Variants in ANKRD52 observed in about 807,000 individuals in gnomAD.
ANKRD52 encodes the protein ankyrin repeat domain 52, also known as serine/threonine-protein phosphatase 6 regulatory ankyrin repeat subunit C.
In ANKRD52, 7 loss-of-function variants were observed where a neutral mutation model predicts 116.0. The observed-to-expected ratio is 0.06, with a 90% confidence interval of 0.03 to 0.11. The LOEUF (loss-of-function observed/expected upper bound fraction) is 0.11. Among genes scored for constraint, ANKRD52 ranks in the 10% least tolerant of loss-of-function variants. The pLI is 1.00. For missense variants in ANKRD52, 839 were observed against 1,408.6 expected (o/e 0.60, Z 6.47); for synonymous variants, 528 against 578.1 (o/e 0.91, Z 1.24).
Position 56,248,962 on chromosome 12 carries a change from C to T in ANKRD52, c.1593-92G>A. On this transcript the variant is annotated intron_variant, in intron 15 of 27. Coordinates refer to ENST00000267116, the MANE Select transcript of ANKRD52 (RefSeq NM_173595.4). The surrounding 1 kb of genome is among the most constrained non-coding windows in gnomAD (Gnocchi z 5.1). ...GGCCAGAGGAGAGGACCAAGGCCCT[C>T]CAGGCCTACCTGGCCGCCACCCGTC... The T allele has an allele frequency of 2.3e-6, 2 of 871,726 alleles. No homozygotes were observed. Among genetic ancestry groups the T allele is most frequent in the Non-Finnish European group, 3.5e-6 (2 of 576,856 alleles). The allele number at this position is 871,726 out of a possible 1,614,324, so 54.0% of individuals were successfully genotyped here. A position where few individuals can be genotyped will look rare whatever the true frequency, so the allele number is the denominator to read the frequency against.
At chr12:56,257,625 G>A (rs1872021138) in intron 2 of ANKRD52, among the ~76,000 whole-genome samples, 1 of 152,064 alleles carries the variant, frequency 6.6e-6, no homozygotes, top group Admixed American at 6.5e-5. Context: ...CAACGTTCCT[G>A]GGCATTCCCA....
chr12:56,238,458 C>G lies in ANKRD52; in HGVS notation c.*4684G>C, dbSNP rs1871021589. The G allele has an allele frequency of 6.6e-6, 1 of 152,194 alleles. No homozygotes were observed. Among genetic ancestry groups the G allele is most frequent in the Non-Finnish European group, 1.5e-5 (1 of 68,074 alleles). 9.4% of individuals were successfully genotyped at this position (152,194 alleles called of 1,614,324 possible). On this transcript the variant is annotated 3_prime_UTR_variant, in exon 28 of 28. Transcript: ENST00000267116. ...AATATACATAGCTGTACATGGGGAA[C>G]CCCCAGGTCCCCACCCCAACCCTCT...
Position 56,237,984 on chromosome 12 carries a change from T to G in ANKRD52, c.*5158A>C. 43 of 286,198 alleles carry G rather than the reference T, an allele frequency of 1.5e-4. No homozygotes were observed. The highest frequency in any genetic ancestry group is 4.5e-4 in the East Asian group (7 of 15,710). 17.7% of individuals were successfully genotyped at this position (286,198 alleles called of 1,614,324 possible). On this transcript the variant is annotated 3_prime_UTR_variant, in exon 28 of 28. Transcript: ENST00000267116. ...GGTCATTAATCTGCGGGGAGAACAT[T>G]GTGCTTTAGCCCAGGGAGGGGAGGG...
chr12:56,247,108 G>T (rs1871445421), intron 20 of ANKRD52, among the ~76,000 whole-genome samples: 1 of 151,380 alleles, frequency 6.6e-6, no homozygotes, highest in Non-Finnish European at 1.5e-5. Flanking sequence ...ACTTCGGGAG[G>T]CCAAGGTGGG....
At chr12:56,245,696 T>C in intron 20 of ANKRD52, 100 bp from the exon 21 acceptor site, 13 of 718,168 alleles carry the variant, frequency 1.8e-5, no homozygotes, top group Non-Finnish European at 2.6e-5. Context: ...CTTCCAGGGC[T>C]CCAATCCTTG....
At position 56,253,433 on chromosome 12, in the gene ANKRD52, G is replaced by A; in HGVS notation, c.986-31C>T. On this transcript the variant is annotated intron_variant, in intron 9 of 27. Coordinates refer to ENST00000267116, the MANE Select transcript of ANKRD52 (RefSeq NM_173595.4). This position sits in a 1 kb window ranked among gnomAD's most constrained non-coding sequence, Gnocchi z 5.5. Reference sequence around the variant, plus strand: ...AGGGGATGCACACACACAAGCTCAGGCAGACCTCAGGCTTAAGACCACTTT... The same window carrying A: ...AGGGGATGCACACACACAAGCTCAGACAGACCTCAGGCTTAAGACCACTTT... The A allele has an allele frequency of 6.4e-7, 1 of 1,566,446 alleles. No individual in the cohort carries two copies. Among genetic ancestry groups the A allele is most frequent in the Non-Finnish European group, 8.8e-7 (1 of 1,138,366 alleles).
Position 56,257,308 on chromosome 12 carries a change from G to A in ANKRD52, c.165C>T (p.Pro55=). The change falls in exon 3 of 28, where the codon CCC becomes CCT. Residue 55 remains proline (P), a synonymous_variant. Transcript: ENST00000267116. ...LHAAAYVGDV[P]ILQLLLMSGA... ...CTGACATCAGTAGCAACTGGAGGAT[G>A]GGGACATCGCCTACGTAGGCAGCAG... is the stretch of plus-strand genomic sequence containing the variant. 1 of 1,597,796 alleles carries A rather than the reference G, an allele frequency of 6.3e-7. No homozygotes were observed.
intron 15 of ANKRD52, 48 bp downstream of exon 15, chr12:56,251,967 T>C (rs369771785): frequency 6.3e-7 from 1 of 1,586,362 alleles, no homozygotes; most frequent in Non-Finnish European, 8.6e-7. Context: ...GGCCAGAGCT[T>C]GCATGGGTTG....
rs1231255447 is a variant in ANKRD52 at position 56,257,397 on chromosome 12, G to T, written c.112-36C>A. 2.6e-6 allele frequency: 4 copies of T among 1,526,542 alleles called. No homozygotes were observed. The South Asian group carries it at 4.8e-5, about 18-fold the overall frequency. The allele number at this position is 1,526,542 out of a possible 1,614,324, so 94.6% of individuals were successfully genotyped here. On this transcript the variant is annotated intron_variant, in intron 2 of 27. Coordinates refer to ENST00000267116, the MANE Select transcript of ANKRD52 (RefSeq NM_173595.4). ...AAAAAAGAGCAGGGAGTATGGGCGC[G>T]GGGTAAGGGGGCTATCAAGGACCCC...
In ANKRD52 at chr12:56,242,050, C is replaced by T; in HGVS notation, c.*1092G>A. 2.5e-6 allele frequency: 1 copy of T among 398,614 alleles called. No individual in the cohort carries two copies. Among genetic ancestry groups the T allele is most frequent in the Non-Finnish European group, 4.4e-6 (1 of 226,078 alleles). The allele number at this position is 398,614 out of a possible 1,614,324, so 24.7% of individuals were successfully genotyped here. ...CTGCCCCTCCTACCATCTTTGGCTT[C>T]AGATCAGGAGTGACTGGGGCAGTGG... On this transcript the variant is annotated 3_prime_UTR_variant, in exon 28 of 28. Transcript: ENST00000267116. This position sits in a 1 kb window ranked among gnomAD's most constrained non-coding sequence, Gnocchi z 4.3.
chr12:56,247,592 G>T lies in ANKRD52; in HGVS notation c.2085C>A (p.Ala695=), dbSNP rs773127563. The change falls in exon 20 of 28, where the codon GCC becomes GCA. Residue 695 remains alanine, a synonymous_variant. Coordinates refer to ENST00000267116, the MANE Select transcript of ANKRD52 (RefSeq NM_173595.4). ...CACAGTCCACATGGCCATTCATGAT[G>T]GCCAGCATCAGTGGGGTCCTACAGA... ...DAYGQTPLML[A]IMNGHVDCVH... The T allele has an allele frequency of 6.3e-7, 1 of 1,593,032 alleles. No individual in the cohort carries two copies. The highest frequency in any genetic ancestry group is 8.6e-7 in the Non-Finnish European group (1 of 1,168,934).
In ANKRD52 at chr12:56,255,056, C is replaced by T. The variant is rs1339377505; in HGVS notation, c.463-104G>A. On this transcript the variant is annotated intron_variant, in intron 5 of 27. Transcript: ENST00000267116. The surrounding 1 kb of genome is among the most constrained non-coding windows in gnomAD (Gnocchi z 4.3). ...CTGAAAAGGCTGAGGCAGCCTAATG[C>T]CTTTTTCCATGAGCAAAACAACCTG... The T allele has an allele frequency of 1.4e-5, 17 of 1,220,110 alleles. No individual in the cohort carries two copies. Among genetic ancestry groups the T allele is most frequent in the Non-Finnish European group, 2.0e-5 (17 of 850,774 alleles). The allele number at this position is 1,220,110 out of a possible 1,614,324, so 75.6% of individuals were successfully genotyped here.
Position 56,248,359 on chromosome 12 carries a change from C to A in ANKRD52, c.1777-135G>T. ...AAGCTCCTTGGGCCCCTTAAGGCTT[C>A]CTACCCTGCACTGTGCTTATCCCCT... is the stretch of plus-strand genomic sequence containing the variant. On this transcript the variant is annotated intron_variant, in intron 17 of 27. Coordinates refer to ENST00000267116, the MANE Select transcript of ANKRD52 (RefSeq NM_173595.4). This position sits in a 1 kb window ranked among gnomAD's most constrained non-coding sequence, Gnocchi z 5.1. 1 of 1,406,106 alleles carries A rather than the reference C, an allele frequency of 7.1e-7. No individual in the cohort carries two copies. Among genetic ancestry groups the A allele is most frequent in the Non-Finnish European group, 9.8e-7 (1 of 1,015,538 alleles). The allele number at this position is 1,406,106 out of a possible 1,614,324, so 87.1% of individuals were successfully genotyped here.
At position 56,239,295 on chromosome 12, in the gene ANKRD52, C is replaced by T. The variant is rs951611933; in HGVS notation, c.*3847G>A. Reference sequence around the variant, plus strand: ...GGGCTTGGTCCTCAAAGATTCCTCACCTCCGCCCTTGCCCAACCTGGGTCA... The same window carrying T: ...GGGCTTGGTCCTCAAAGATTCCTCATCTCCGCCCTTGCCCAACCTGGGTCA... On this transcript the variant is annotated 3_prime_UTR_variant, in exon 28 of 28. Transcript: ENST00000267116. The T allele has an allele frequency of 3.3e-5, 5 of 152,350 alleles. No individual in the cohort carries two copies. Among genetic ancestry groups the T allele is most frequent in the Non-Finnish European group, 5.9e-5 (4 of 68,114 alleles). The allele number at this position is 152,350 out of a possible 1,614,324, so 9.4% of individuals were successfully genotyped here.
At position 56,255,605 on chromosome 12, in the gene ANKRD52, A is replaced by G. The variant is rs1284145092; in HGVS notation, c.462+179T>C. Among the ~76,000 whole-genome samples the G allele has an allele frequency of 6.6e-6, 1 of 152,246 alleles. No homozygotes were observed. Among genetic ancestry groups the G allele is most frequent in the African/African-American group, 2.4e-5 (1 of 41,460 alleles). ...ATCCAAGGTTTTATCAACCTCCTGA[A>G]GTCCAAGTTAAGAATTTTAATCTAG... is the stretch of plus-strand genomic sequence containing the variant. On this transcript the variant is annotated intron_variant, in intron 5 of 27. Transcript: ENST00000267116. The surrounding 1 kb of genome is among the most constrained non-coding windows in gnomAD (Gnocchi z 4.3).
At position 56,253,509 on chromosome 12, in the gene ANKRD52, G is replaced by T; in HGVS notation, c.986-107C>A. 1.0e-6 allele frequency: 1 copy of T among 994,100 alleles called. No homozygotes were observed. The highest frequency in any genetic ancestry group is 1.5e-6 in the Non-Finnish European group (1 of 646,222). 61.6% of individuals were successfully genotyped at this position (994,100 alleles called of 1,614,324 possible). A position where few individuals can be genotyped will look rare whatever the true frequency, so the allele number is the denominator to read the frequency against. The stretch of plus-strand genomic sequence containing the variant: ...CTACTATGTATGCATCAGGTGCCAG[G>T]CCCAGGATTCTACATATTTTATCCT... On this transcript the variant is annotated intron_variant, in intron 9 of 27. Coordinates refer to ENST00000267116, the MANE Select transcript of ANKRD52 (RefSeq NM_173595.4). This position sits in a 1 kb window ranked among gnomAD's most constrained non-coding sequence, Gnocchi z 5.5.
intron 18 of ANKRD52, 62 bp from the exon 19 acceptor site, chr12:56,247,836 C>A: frequency 6.5e-7 from 1 of 1,530,972 alleles, no homozygotes; most frequent in South Asian, 1.2e-5. Flanking sequence ...CAAGGTCAAG[C>A]CTAAAGGACT....
rs935521006 is a variant in ANKRD52 at position 56,242,152 on chromosome 12, G to A, written c.*990C>T. 81 of 398,572 alleles carry A rather than the reference G, an allele frequency of 2.0e-4. No homozygotes were observed. Among genetic ancestry groups the A allele is most frequent in the Non-Finnish European group, 8.8e-5 (20 of 226,118 alleles). 24.7% of individuals were successfully genotyped at this position (398,572 alleles called of 1,614,324 possible). Reference sequence around the variant, plus strand: ...TATGGGCTTGGCGGCACAGGAGGAAGAACATGGTCCCTCCCTCCATATACA... The same window carrying A: ...TATGGGCTTGGCGGCACAGGAGGAAAAACATGGTCCCTCCCTCCATATACA... On this transcript the variant is annotated 3_prime_UTR_variant, in exon 28 of 28. Coordinates refer to ENST00000267116, the MANE Select transcript of ANKRD52 (RefSeq NM_173595.4). The surrounding 1 kb of genome is among the most constrained non-coding windows in gnomAD (Gnocchi z 4.3).
intron 15 of ANKRD52, among the ~76,000 whole-genome samples, chr12:56,250,524 T>C (rs1291708430): frequency 6.6e-6 from 1 of 151,786 alleles, no homozygotes. Flanking sequence ...TAACTGGGAA[T>C]ATATGCATGT....
Sources: allele counts gnomAD v4.1 joint callset (sites outside exome capture counted in the v4.1 genomes callset), GRCh38; gene constraint gnomAD v4.1.1; non-coding constraint Gnocchi (gnomAD v3.1); transcripts MANE v1.5; gene names NCBI Gene and HGNC (gene_info 2026-07-23, HGNC 2026-07-21).